Variants in CNKSR2 observed in about 807,000 individuals in gnomAD.
CNKSR2 encodes CNK homolog protein 2.
In CNKSR2, 14 loss-of-function variants were observed where a neutral mutation model predicts 84.4. The ratio of observed to expected loss-of-function variants is 0.17; its 90% CI spans 0.11 to 0.26. The LOEUF (loss-of-function observed/expected upper bound fraction) is 0.26, where lower values mean the gene tolerates loss of function less well. Ranked by LOEUF, CNKSR2 falls within the 10% of genes least tolerant of loss-of-function variation. The pLI, the probability that CNKSR2 is intolerant of heterozygous loss-of-function variation, is 1.00. For missense variants in CNKSR2, 485 were observed against 771.2 expected (o/e 0.63, Z 4.40); for synonymous variants, 275 against 277.9 (o/e 0.99, Z 0.10).
intron 4 of CNKSR2, among the ~76,000 whole-genome samples, chrX:21,442,630 AC>A (rs1353460845): frequency 1.1e-4 from 12 of 112,012 alleles, no homozygotes; most frequent in Non-Finnish European, 1.3e-4. Flanking sequence ...TGATGATTCC[AC>A]ATTGGACAAA....
At chrX:21,628,517 A>G (rs1476269618) in intron 20 of CNKSR2, among the ~76,000 whole-genome samples, 1 of 111,667 alleles carries the variant, frequency 9.0e-6, no homozygotes, top group Non-Finnish European at 1.9e-5. Flanking sequence ...AGGCGTTTCC[A>G]TACATCTGAA....
At chrX:21,562,590 GTT>G (rs1427989030) in intron 12 of CNKSR2, among the ~76,000 whole-genome samples, 1 of 111,103 alleles carries the variant, frequency 9.0e-6, no homozygotes, top group Non-Finnish European at 1.9e-5. Flanking sequence ...AATCTCATTT[GTT>G]CTATAGAATA....
chrX:21,435,628 T>A (rs2090693319), intron 3 of CNKSR2, among the ~76,000 whole-genome samples: 1 of 111,784 alleles, frequency 8.9e-6, no homozygotes, highest in Non-Finnish European at 1.9e-5. Flanking sequence ...CAATGCATGG[T>A]TTACTTGTCT....
At chrX:21,478,805 A>G (rs2091285314) in intron 5 of CNKSR2, among the ~76,000 whole-genome samples, 1 of 112,059 alleles carries the variant, frequency 8.9e-6, no homozygotes, top group African/African-American at 3.2e-5. Context: ...TAATTCTTAG[A>G]TGACAAATTC....
chrX:21,557,371 A>G (rs941492653), intron 11 of CNKSR2, among the ~76,000 whole-genome samples: 1 of 111,239 alleles, frequency 9.0e-6, no homozygotes, highest in Admixed American at 9.6e-5. Flanking sequence ...CTTGCCATCA[A>G]TATCATAATA....
intron 9 of CNKSR2, among the ~76,000 whole-genome samples, chrX:21,521,622 G>A (rs2091784882): frequency 9.0e-6 from 1 of 110,567 alleles, no homozygotes; most frequent in South Asian, 3.8e-4. Flanking sequence ...TCAATACAAT[G>A]TGCAGTATTT....
At chrX:21,555,339 AAATGTTTACAAACC>A (rs1187544344) in intron 11 of CNKSR2, among the ~76,000 whole-genome samples, 1 of 111,757 alleles carries the variant, frequency 8.9e-6, no homozygotes, top group African/African-American at 3.2e-5. Flanking sequence ...CCTCACATTG[AAATGTTTACAAACC>A]AATTTCTTCA....
intron 3 of CNKSR2, among the ~76,000 whole-genome samples, chrX:21,437,224 A>G (rs1452255520): frequency 9.0e-6 from 1 of 110,555 alleles, no homozygotes; most frequent in Non-Finnish European, 1.9e-5. Flanking sequence ...ATGGTAAAAC[A>G]AAACAAAACA....
At chrX:21,592,240 C>A (rs2092425333) in intron 15 of CNKSR2, 1 of 111,397 alleles carries the variant, frequency 9.0e-6, no homozygotes, top group South Asian at 3.8e-4. Context: ...ACTGGACTAT[C>A]ATATGGATGA....
chrX:21,448,984 TATAAA>T (rs1242560628), intron 4 of CNKSR2, among the ~76,000 whole-genome samples: 2 of 111,471 alleles, frequency 1.8e-5, no homozygotes, highest in Non-Finnish European at 3.8e-5. Flanking sequence ...AAATCAAACT[TATAAA>T]ATAAGTCAAA....
At chrX:21,579,361 C>T (rs1273745386) in intron 13 of CNKSR2, among the ~76,000 whole-genome samples, 1 of 111,678 alleles carries the variant, frequency 9.0e-6, no homozygotes, top group African/African-American at 3.3e-5. Flanking sequence ...TGAAAATTCT[C>T]TACTGGGAGT....
chrX:21,603,633 G>A (rs760961239), intron 18 of CNKSR2, among the ~76,000 whole-genome samples: 13 of 112,287 alleles, frequency 1.2e-4, no homozygotes, highest in South Asian at 7.4e-4. Context: ...TTCAACATCC[G>A]TTGTTGTACT....
intron 11 of CNKSR2, among the ~76,000 whole-genome samples, chrX:21,532,402 T>G (rs934845720): frequency 1.8e-4 from 20 of 111,244 alleles, no homozygotes; most frequent in Non-Finnish European, 1.9e-5. Flanking sequence ...TTTTTGTTTT[T>G]TTAAATGAAT....
chrX:21,651,016 C>A (rs2092719681), intron 21 of CNKSR2, among the ~76,000 whole-genome samples: 1 of 111,626 alleles, frequency 9.0e-6, no homozygotes, highest in African/African-American at 3.3e-5. Context: ...CATTTTGAAG[C>A]AGGTTAGATT....
intron 12 of CNKSR2, 144 bp from the exon 13 acceptor site, chrX:21,563,093 CA>C (rs2092206556): frequency 2.3e-6 from 1 of 442,457 alleles, no homozygotes; most frequent in Non-Finnish European, 3.9e-6. Flanking sequence ...TAGATTGGGG[CA>C]AAAGTAATTG....
intron 20 of CNKSR2, among the ~76,000 whole-genome samples, chrX:21,622,560 C>T (rs1383760164): frequency 9.0e-6 from 1 of 111,606 alleles, no homozygotes; most frequent in Non-Finnish European, 1.9e-5. Context: ...AGGTCCATAT[C>T]CAGCTATGTG....
chrX:21,436,044 C>T (rs111941524), intron 3 of CNKSR2, among the ~76,000 whole-genome samples: 6 of 111,237 alleles, frequency 5.4e-5, no homozygotes, highest in African/African-American at 2.0e-4. Flanking sequence ...ATTTCTTCTT[C>T]CATGATAAGA....
chrX:21,546,953 T>C (rs2092032127), intron 11 of CNKSR2, among the ~76,000 whole-genome samples: 1 of 111,911 alleles, frequency 8.9e-6, no homozygotes, highest in Non-Finnish European at 1.9e-5. Flanking sequence ...AAAGAAAAAC[T>C]GGCACCAGCC....
chrX:21,501,412 T>G (rs773542154), intron 7 of CNKSR2, 108 bp from the exon 8 acceptor site: 1 of 403,123 alleles, frequency 2.5e-6, no homozygotes, highest in African/African-American at 2.6e-5. Context: ...AATTTTTAAT[T>G]AATTTTTAAA....
Sources: gnomAD v4.1 joint callset for allele counts (sites outside exome capture counted in the v4.1 genomes callset) on GRCh38, gnomAD v4.1.1 for gene constraint, MANE v1.5 for transcripts, NCBI Gene and HGNC (gene_info 2026-07-23, HGNC 2026-07-21) for gene names.